CDC6: variants seen among roughly 807,000 people sequenced by gnomAD.
The protein encoded by CDC6 is cell division cycle 6.
A neutral mutation model predicts 60.2 loss-of-function variants in CDC6; 46 were observed. The observed-to-expected ratio is 0.76, with a 90% CI of 0.60 to 0.98. CDC6 has a LOEUF of 0.98. Ranked by LOEUF, CDC6 falls within the 50% of genes least tolerant of loss-of-function variation. CDC6 has a pLI of 0.00. For missense variants in CDC6, 596 were observed against 652.9 expected, an observed-to-expected ratio of 0.91 and a Z score of 0.95; for synonymous variants, 210 against 233.2, an observed-to-expected ratio of 0.90 and a Z score of 0.90.
Position 40,304,016 on chromosome 17 carries a change from T to G in CDC6, c.*2015T>G, listed in dbSNP as rs1455150481. On this transcript the variant is annotated 3_prime_UTR_variant, in exon 12 of 12. Transcript: ENST00000209728. ...GTCAGGAACATGGCTTGACTCGCAG[T>G]GGGGCTGCTATGTATCCTCCCTGGC... The G allele has an allele frequency of 1.3e-5, 2 of 152,298 alleles. No homozygotes were observed. Among genetic ancestry groups the G allele is most frequent in the African/African-American group, 4.8e-5 (2 of 41,476 alleles). The allele number at this position is 152,298 out of a possible 1,614,324, so 9.4% of individuals were successfully genotyped here.
At chr17:40,296,903 G>GT (rs1567735890) in intron 9 of CDC6, 136 bp downstream of exon 9, 12 of 731,630 alleles carry the variant, frequency 1.6e-5, no homozygotes, top group Non-Finnish European at 2.7e-5. Flanking sequence ...TTTTTAGTCC[G>GT]TTTCGTCTAC....
chr17:40,298,163 C>G (rs1044435044), intron 9 of CDC6, among the ~76,000 whole-genome samples: 1 of 152,062 alleles, frequency 6.6e-6, no homozygotes, highest in Admixed American at 6.6e-5. Flanking sequence ...AAAAATAGTG[C>G]TTAGGCTAAT....
At chr17:40,297,379 C>T (rs1229138260) in intron 9 of CDC6, among the ~76,000 whole-genome samples, 3 of 152,086 alleles carry the variant, frequency 2.0e-5, no homozygotes, top group African/African-American at 7.2e-5. Context: ...AACACAGGAA[C>T]AGAAAACCAA....
At chr17:40,298,427 G>A (rs1465958195) in intron 9 of CDC6, among the ~76,000 whole-genome samples, 2 of 150,644 alleles carry the variant, frequency 1.3e-5, no homozygotes, top group African/African-American at 4.9e-5. Flanking sequence ...TGTAAAACAA[G>A]GTCTTGCTTT....
intron 9 of CDC6, 45 bp downstream of exon 9, chr17:40,296,812 T>C (rs1598517052): frequency 8.1e-7 from 1 of 1,228,414 alleles, no homozygotes; most frequent in African/African-American, 1.5e-5. Flanking sequence ...AACTAGAAGC[T>C]TAGCTTTTCT....
In CDC6 at chr17:40,293,571, C is replaced by G; in HGVS notation, c.776C>G (p.Ala259Gly). The change falls in exon 5 of 12, where the codon GCT becomes GGT. Residue 259 changes from alanine (A) to glycine (G), a missense_variant. Transcript: ENST00000209728. ...TGTCAGGAAGAGGTATCCAGGCCAG[C>G]TGGGAAGGACATGATGAGGAAATTG... ...EICQEEVSRPAGKDMMRKLEK... is the reference protein window; with the variant it reads ...EICQEEVSRPGGKDMMRKLEK... The G allele has an allele frequency of 6.2e-7, 1 of 1,613,744 alleles. No individual in the cohort carries two copies. The highest frequency in any genetic ancestry group is 2.2e-5 in the East Asian group (1 of 44,872).
intron 2 of CDC6, 96 bp downstream of exon 2, chr17:40,289,694 T>A: frequency 1.3e-6 from 1 of 786,280 alleles, no homozygotes; most frequent in Non-Finnish European, 2.0e-6. Context: ...CTAAGTTCAG[T>A]TAAGACTTCT....
intron 4 of CDC6, among the ~76,000 whole-genome samples, chr17:40,292,792 G>A (rs186685545): frequency 5.3e-5 from 8 of 150,998 alleles, no homozygotes; most frequent in African/African-American, 1.5e-4. Context: ...TTAGCCAGGC[G>A]TGGTGGCGAG....
At chr17:40,294,108 A>AAT in intron 6 of CDC6, 52 bp downstream of exon 6, 1 of 1,349,296 alleles carries the variant, frequency 7.4e-7, no homozygotes, top group Non-Finnish European at 1.1e-6. Flanking sequence ...ATTTTTTAAG[A>AAT]ATATATATTC....
chr17:40,295,530 T>G (rs2032845227), intron 8 of CDC6, 74 bp downstream of exon 8: 6 of 1,037,746 alleles, frequency 5.8e-6, no homozygotes, highest in Admixed American at 5.1e-5. Flanking sequence ...CTCATGTAAC[T>G]CAAGTGAATG....
At chr17:40,296,067 C>T (rs2032854949) in intron 8 of CDC6, among the ~76,000 whole-genome samples, 1 of 152,162 alleles carries the variant, frequency 6.6e-6, no homozygotes, top group Non-Finnish European at 1.5e-5. Context: ...TGGCTTATGG[C>T]TTCCTGTGGG....
At chr17:40,301,244 C>A (rs1288643885) in intron 10 of CDC6, among the ~76,000 whole-genome samples, 1 of 152,218 alleles carries the variant, frequency 6.6e-6, no homozygotes, top group Non-Finnish European at 1.5e-5. Flanking sequence ...TCCTCCCCTT[C>A]ATTTCTGCAT....
intron 7 of CDC6, 47 bp from the exon 8 acceptor site, chr17:40,295,309 G>A (rs1040547069): frequency 8.2e-7 from 1 of 1,219,976 alleles, no homozygotes; most frequent in Non-Finnish European, 1.2e-6. Context: ...AATTACAGAG[G>A]GAGAATCTTA....
At chr17:40,297,051 G>T (rs1190241946) in intron 9 of CDC6, among the ~76,000 whole-genome samples, 1 of 152,168 alleles carries the variant, frequency 6.6e-6, no homozygotes, top group Non-Finnish European at 1.5e-5. Flanking sequence ...AGACAATGAG[G>T]TTGGATCAGC....
rs1380549947 is a variant in CDC6, at chr17:40,290,989, A to G, written c.179-69A>G. On this transcript the variant is annotated intron_variant, in intron 2 of 11. Transcript: ENST00000209728. ...AAATTCACCTCTTTCTGGAAGAGGCAGAGGTCTTGCACATCCTTTTACTAT... is the reference window on the plus strand; with the variant it reads ...AAATTCACCTCTTTCTGGAAGAGGCGGAGGTCTTGCACATCCTTTTACTAT... 8.8e-6 allele frequency: 13 copies of G among 1,480,496 alleles called. 1 individual carries two copies. The Admixed American group carries it at 2.0e-4, about 23-fold the overall frequency. 91.7% of individuals were successfully genotyped at this position (1,480,496 alleles called of 1,614,324 possible).
chr17:40,291,662 C>G lies in CDC6; in HGVS notation c.654C>G (p.Asp218Glu). 1.2e-6 allele frequency: 2 copies of G among 1,613,652 alleles called. No homozygotes were observed. Among genetic ancestry groups the G allele is most frequent in the South Asian group, 2.2e-5 (2 of 91,068 alleles). ...CCTGCTTAAGCCGGATTCTGCAAGA[C>G]CTCAAGGTACATTGAGAGTCTGAAT... ...KTACLSRILQ[D>E]LKKELKGFKT... is the part of the protein sequence containing the mutation. Residue 218 changes from aspartate to glutamate, a missense_variant, in exon 4 of 12, where the codon GAC (aspartate) becomes GAG (glutamate). Physicochemically the swap from Asp to Glu is conservative, Grantham distance 45 (BLOSUM62 2). Transcript: ENST00000209728.
In CDC6 at chr17:40,296,121, T is replaced by G. The variant is rs185884941; in HGVS notation, c.1185-582T>G. Among the ~76,000 whole-genome samples, 72 of 152,324 alleles carry G rather than the reference T, an allele frequency of 4.7e-4. 1 individual carries two copies. The highest frequency in any genetic ancestry group is 1.9e-3 in the Admixed American group (29 of 15,286). ...CAGTGGGAGAGTAAGCTCTTCCTAT[T>G]GCTAGATTGCATGATCCTGAATTTG... On this transcript the variant is annotated intron_variant, in intron 8 of 11. Coordinates refer to ENST00000209728, the MANE Select transcript of CDC6 (RefSeq NM_001254.4).
intron 2 of CDC6, among the ~76,000 whole-genome samples, chr17:40,290,015 G>C (rs1036858900): frequency 6.6e-6 from 1 of 151,668 alleles, no homozygotes; most frequent in South Asian, 2.1e-4. Flanking sequence ...ATGAGCTACC[G>C]CTCCTGGCCT....
At position 40,291,753 on chromosome 17, in the gene CDC6, TTTTG is replaced by T. The variant is rs1259390800; in HGVS notation, c.660+89_660+92del. ...TGTTTGTTTGTTTTGTTTTGTTTTG[TTTTG>T]TTTTTTGAGACGGAGTCTCGCTCTG... On this transcript the variant is annotated intron_variant, in intron 4 of 11. Transcript: ENST00000209728. The T allele has an allele frequency of 2.4e-5, 35 of 1,435,376 alleles. No homozygotes were observed. In the African/African-American group the frequency reaches 5.0e-4, roughly 20 times the overall value. The allele number at this position is 1,435,376 out of a possible 1,614,324, so 88.9% of individuals were successfully genotyped here. A position where few individuals can be genotyped will look rare whatever the true frequency, so the allele number is the denominator to read the frequency against.
Sources: gnomAD v4.1 joint callset for allele counts (sites outside exome capture counted in the v4.1 genomes callset) on GRCh38, gnomAD v4.1.1 for gene constraint, MANE v1.5 for transcripts, NCBI Gene and HGNC (gene_info 2026-07-23, HGNC 2026-07-21) for gene names.